Variants in TNFSF11 observed in about 807,000 individuals in gnomAD.
TNFSF11 encodes tumor necrosis factor ligand superfamily member 11.
TNFSF11 carries 12 observed loss-of-function variants against 32.2 expected under a neutral mutation model. The ratio of observed to expected loss-of-function variants is 0.37; its 90% CI spans 0.24 to 0.60. The LOEUF is 0.60. Ranked by LOEUF, TNFSF11 falls within the 20% of genes least tolerant of loss-of-function variation. The pLI is 0.66. For missense variants in TNFSF11, 345 were observed against 398.0 expected, an observed-to-expected ratio of 0.87 and a Z score of 1.13; for synonymous variants, 172 against 152.1, an observed-to-expected ratio of 1.13 and a Z score of -0.96.
Position 42,581,244 on chromosome 13 carries a change from C to T in TNFSF11, c.338C>T (p.Pro113Leu), listed in dbSNP as rs749448531. 1.2e-6 allele frequency: 2 copies of T among 1,614,008 alleles called. No individual in the cohort carries two copies. Among genetic ancestry groups the T allele is most frequent in the Non-Finnish European group, 8.5e-7 (1 of 1,179,960 alleles). The change falls in exon 2 of 5, where the codon CCT becomes CTT. Residue 113 changes from proline to leucine, a missense_variant. Around this residue, in one of 2 missense-constraint regions of TNFSF11, gnomAD observed 197 missense variants for 182.0 expected, o/e 1.08. Transcript: ENST00000398795. Reference sequence around the variant, plus strand: ...GAGAGTCAAGATACAAAATTAATACCTGATTCATGTAGGAGAATTAAACAG... The same window carrying T: ...GAGAGTCAAGATACAAAATTAATACTTGATTCATGTAGGAGAATTAAACAG... ...TLESQDTKLI[P>L]DSCRRIKQAF...
rs145653096 is a variant in TNFSF11 at position 42,602,016 on chromosome 13, A to G, written c.532+1035A>G. 1.0e-2 allele frequency among the ~76,000 whole-genome samples: 1,522 copies of G among 152,340 alleles called. 14 individuals carry two copies. The highest frequency in any genetic ancestry group is 0.016 in the Non-Finnish European group (1,068 of 68,014). Reference sequence around the variant, plus strand: ...TCTATTATCACATAAGCAGGCCACAAGGTACTTGTGGTCAGTTGGCTTGGC... The same window carrying G: ...TCTATTATCACATAAGCAGGCCACAGGGTACTTGTGGTCAGTTGGCTTGGC... On this transcript the variant is annotated intron_variant, in intron 4 of 4. Coordinates refer to ENST00000398795, the MANE Select transcript of TNFSF11 (RefSeq NM_003701.4).
At chr13:42,604,636 A>G (rs1281794093) in intron 4 of TNFSF11, among the ~76,000 whole-genome samples, 1 of 152,192 alleles carries the variant, frequency 6.6e-6, no homozygotes, top group Non-Finnish European at 1.5e-5. Context: ...CTCCCAGATC[A>G]TATCCCAGGC....
chr13:42,606,655 C>A lies in TNFSF11; in HGVS notation c.691C>A (p.Leu231Ile). 6.2e-7 allele frequency: 1 copy of A among 1,614,200 alleles called. No homozygotes were observed. The highest frequency in any genetic ancestry group is 8.5e-7 in the Non-Finnish European group (1 of 1,180,050). Reference protein sequence around the residue: ...CFRHHETSGDLATEYLQLMVY... With the variant: ...CFRHHETSGDIATEYLQLMVY... ...TCGACATCATGAAACTTCAGGAGAC[C>A]TAGCTACAGAGTATCTTCAACTAAT... The change falls in exon 5 of 5, where the codon CTA becomes ATA. Residue 231 changes from leucine to isoleucine, a missense_variant. By Grantham distance (5) the Leu-to-Ile change is conservative. Around this residue, in one of 2 missense-constraint regions of TNFSF11, gnomAD observed 148 missense variants for 216.0 expected, o/e 0.69. Coordinates refer to ENST00000398795, the MANE Select transcript of TNFSF11 (RefSeq NM_003701.4).
chr13:42,607,035 C>A lies in TNFSF11; in HGVS notation c.*117C>A. ...ACTAAGAGGCATGGCCCCAACGGTACACGACTCAGTATCCATGCTCTTGAC... is the reference window on the plus strand; with the variant it reads ...ACTAAGAGGCATGGCCCCAACGGTAAACGACTCAGTATCCATGCTCTTGAC... On this transcript the variant is annotated 3_prime_UTR_variant, in exon 5 of 5. Coordinates refer to ENST00000398795, the MANE Select transcript of TNFSF11 (RefSeq NM_003701.4). 1 of 1,287,820 alleles carries A rather than the reference C, an allele frequency of 7.8e-7. No individual in the cohort carries two copies. Among genetic ancestry groups the A allele is most frequent in the Non-Finnish European group, 1.1e-6 (1 of 908,776 alleles). The allele number at this position is 1,287,820 out of a possible 1,614,324, so 79.8% of individuals were successfully genotyped here. A position where few individuals can be genotyped will look rare whatever the true frequency, so the allele number is the denominator to read the frequency against.
At chr13:42,579,429 A>AAC in intron 1 of TNFSF11, among the ~76,000 whole-genome samples, 1 of 151,484 alleles carries the variant, frequency 6.6e-6, no homozygotes, top group East Asian at 1.9e-4. Flanking sequence ...AAAAAAAAAA[A>AAC]AAGGAAAAGA....
At chr13:42,581,825 G>A (rs956246011) in intron 2 of TNFSF11, among the ~76,000 whole-genome samples, 10 of 152,186 alleles carry the variant, frequency 6.6e-5, no homozygotes, top group Admixed American at 3.3e-4. Flanking sequence ...TTCTGTGTCC[G>A]TGTTCTCATT....
chr13:42,571,135 T>A (rs1873052132), upstream of TNFSF11, among the ~76,000 whole-genome samples: 1 of 152,124 alleles, frequency 6.6e-6, no homozygotes, highest in African/African-American at 2.4e-5. Context: ...GACAGGAGAA[T>A]TTAAGGATGC....
At chr13:42,590,235 T>G (rs1422708909) in intron 2 of TNFSF11, among the ~76,000 whole-genome samples, 1 of 152,262 alleles carries the variant, frequency 6.6e-6, no homozygotes, top group African/African-American at 2.4e-5. Flanking sequence ...ACACTTGGTG[T>G]GCTCAGGTGG....
intron 2 of TNFSF11, among the ~76,000 whole-genome samples, chr13:42,589,883 T>C (rs1245868880): frequency 2.6e-5 from 4 of 152,248 alleles, no homozygotes; most frequent in Non-Finnish European, 4.4e-5. Flanking sequence ...CATAGTCCTT[T>C]GTATGCCACT....
chr13:42,607,027 C>A lies in TNFSF11; in HGVS notation c.*109C>A. 7.4e-7 allele frequency: 1 copy of A among 1,348,598 alleles called. No individual in the cohort carries two copies. The highest frequency in any genetic ancestry group is 1.0e-6 in the Non-Finnish European group (1 of 958,810). 83.5% of individuals were successfully genotyped at this position (1,348,598 alleles called of 1,614,324 possible). A position where few individuals can be genotyped will look rare whatever the true frequency, so the allele number is the denominator to read the frequency against. On this transcript the variant is annotated 3_prime_UTR_variant, in exon 5 of 5. Coordinates refer to ENST00000398795, the MANE Select transcript of TNFSF11 (RefSeq NM_003701.4). ...GTGAGACTACTAAGAGGCATGGCCC[C>A]AACGGTACACGACTCAGTATCCATG...
chr13:42,592,098 C>T (rs1239142708), intron 2 of TNFSF11, among the ~76,000 whole-genome samples: 1 of 152,178 alleles, frequency 6.6e-6, no homozygotes, highest in Non-Finnish European at 1.5e-5. Context: ...CTGTCTGACA[C>T]CAAATATGTG....
At chr13:42,576,952 C>G (rs1194470888) in intron 1 of TNFSF11, among the ~76,000 whole-genome samples, 1 of 152,204 alleles carries the variant, frequency 6.6e-6, no homozygotes, top group East Asian at 1.9e-4. Flanking sequence ...CTTTCAAAGT[C>G]TTAGCTAAGA....
chr13:42,602,898 ACT>A (rs1288991315), intron 4 of TNFSF11, among the ~76,000 whole-genome samples: 2 of 151,934 alleles, frequency 1.3e-5, no homozygotes, highest in Non-Finnish European at 2.9e-5. Flanking sequence ...TAGTTATAAA[ACT>A]CTCTCTGCAG....
intron 4 of TNFSF11, among the ~76,000 whole-genome samples, chr13:42,606,261 C>T (rs578116256): frequency 3.8e-4 from 58 of 152,300 alleles, no homozygotes; most frequent in African/African-American, 1.2e-3. Context: ...GCACTATAGA[C>T]GCCTTGAGGG....
In TNFSF11 at chr13:42,607,182, G is replaced by T. The variant is rs346575; in HGVS notation, c.*264G>T. ...TAAACCAGATTGGAGCAATTACGGG[G>T]TGACCTTATGAGAAACTGCATGTGG... On this transcript the variant is annotated 3_prime_UTR_variant, in exon 5 of 5. Transcript: ENST00000398795. 428,650 of 429,638 alleles carry T rather than the reference G, an allele frequency of 1. 213,843 individuals carry two copies. The highest frequency in any genetic ancestry group is 1 in the East Asian group (21,090 of 21,090). 26.6% of individuals were successfully genotyped at this position (429,638 alleles called of 1,614,324 possible). A position where few individuals can be genotyped will look rare whatever the true frequency, so the allele number is the denominator to read the frequency against.
At chr13:42,568,546 A>T (rs1872947629) in intron 2 of TNFSF11, among the ~76,000 whole-genome samples, 1 of 152,256 alleles carries the variant, frequency 6.6e-6, no homozygotes, top group South Asian at 2.1e-4. Flanking sequence ...GGAATGTAAT[A>T]AGACCAAGTT....
chr13:42,598,979 G>A (rs1868976560), intron 2 of TNFSF11, among the ~76,000 whole-genome samples: 1 of 152,156 alleles, frequency 6.6e-6, no homozygotes, highest in African/African-American at 2.4e-5. Context: ...CCTGGGAAGG[G>A]CCACTCAACC....
At chr13:42,598,553 G>A (rs1440261584) in intron 2 of TNFSF11, among the ~76,000 whole-genome samples, 1 of 152,142 alleles carries the variant, frequency 6.6e-6, no homozygotes, top group Non-Finnish European at 1.5e-5. Flanking sequence ...GCATGTCCCT[G>A]TTACATGTCA....
chr13:42,590,330 C>A (rs1874107087), intron 2 of TNFSF11, among the ~76,000 whole-genome samples: 5 of 152,344 alleles, frequency 3.3e-5, no homozygotes, highest in Admixed American at 3.3e-4. Context: ...CTCGCAAGCT[C>A]AGTGTTTTCC....
Sources: allele counts gnomAD v4.1 joint callset (sites outside exome capture counted in the v4.1 genomes callset), GRCh38; gene constraint gnomAD v4.1.1; regional missense constraint gnomAD v4.1.1; transcripts MANE v1.5; gene names NCBI Gene and HGNC (gene_info 2026-07-23, HGNC 2026-07-21).